Variants in TMX3 observed in about 807,000 individuals in gnomAD.
The protein encoded by TMX3 is thioredoxin related transmembrane protein 3.
TMX3 carries 40 observed loss-of-function variants against 64.4 expected under a neutral mutation model. The observed-to-expected ratio is 0.62, with a 90% confidence interval of 0.48 to 0.81. TMX3 has a LOEUF of 0.81. Among genes scored for constraint, TMX3 ranks in the 30% least tolerant of loss-of-function variants. The pLI, the probability that TMX3 is intolerant of heterozygous loss-of-function variation, is 0.00. For synonymous variants in TMX3, 189 were observed against 175.7 expected (o/e 1.08, Z -0.60); for missense variants, 497 against 534.5 (o/e 0.93, Z 0.69).
At chr18:68,685,205 C>T (rs377144007) in intron 10 of TMX3, among the ~76,000 whole-genome samples, 11 of 152,174 alleles carry the variant, frequency 7.2e-5, no homozygotes, top group African/African-American at 2.4e-4. Flanking sequence ...AACTTATTTC[C>T]AAAAACTAAT....
rs1008673633 is a variant in TMX3, at chr18:68,674,177, A to T, written c.*2756T>A. 6 of 152,162 alleles carry T rather than the reference A, an allele frequency of 3.9e-5. No homozygotes were observed. The highest frequency in any genetic ancestry group is 1.4e-4 in the African/African-American group (6 of 41,462). 9.4% of individuals were successfully genotyped at this position (152,162 alleles called of 1,614,324 possible). A position where few individuals can be genotyped will look rare whatever the true frequency, so the allele number is the denominator to read the frequency against. The stretch of plus-strand genomic sequence containing the variant: ...TACTTGGCATTTAAATGTTATTTCT[A>T]AATCAGATACCAGGAAGCAACTATG... On this transcript the variant is annotated 3_prime_UTR_variant, in exon 16 of 16. Transcript: ENST00000299608.
chr18:68,709,275 A>G (rs902848474), intron 4 of TMX3, among the ~76,000 whole-genome samples: 3 of 152,128 alleles, frequency 2.0e-5, no homozygotes, highest in African/African-American at 7.2e-5. Context: ...TCCAAATTCT[A>G]TGATACCTCA....
chr18:68,713,362 G>C (rs973071899), intron 2 of TMX3, among the ~76,000 whole-genome samples: 1 of 152,136 alleles, frequency 6.6e-6, no homozygotes, highest in Non-Finnish European at 1.5e-5. Context: ...CTCCCTCCAG[G>C]GACTGTAATG....
rs2031813815 is a variant in TMX3 at position 68,714,958 on chromosome 18, C to T, written c.24G>A (p.Thr8=). 2 of 1,573,214 alleles carry T rather than the reference C, an allele frequency of 1.3e-6. No individual in the cohort carries two copies. Among genetic ancestry groups the T allele is most frequent in the South Asian group, 1.2e-5 (1 of 85,538 alleles). ...TACCTGTGGCGCAGAGCCGCAGGGC[C>T]GTCCAACTCTTCCACGCTGCCATGC... The part of the protein sequence containing the change: MAAWKSW[T]ALRLCATVVV... The change falls in exon 1 of 16, where the codon ACG becomes ACA. Residue 8 remains threonine (T), a synonymous_variant. Coordinates refer to ENST00000299608, the MANE Select transcript of TMX3 (RefSeq NM_019022.5).
Position 68,682,919 on chromosome 18 carries a change from ACTTAC to A in TMX3, c.905+1_905+5del. On this transcript the variant is annotated splice_donor_variant and splice_donor_5th_base_variant and intron_variant, in intron 13 of 15. Coordinates refer to ENST00000299608, the MANE Select transcript of TMX3 (RefSeq NM_019022.5). LOFTEE classifies it high-confidence loss of function. The stretch of plus-strand genomic sequence containing the variant: ...TGACAGCAAAATCATTCAGCACTTT[ACTTAC>A]TCCATCAGCAAGGTATTTATGTAGT... 6.2e-7 allele frequency: 1 copy of A among 1,604,668 alleles called. No individual in the cohort carries two copies. The highest frequency in any genetic ancestry group is 8.5e-7 in the Non-Finnish European group (1 of 1,174,630).
intron 8 of TMX3, among the ~76,000 whole-genome samples, chr18:68,692,795 A>G (rs1033419796): frequency 6.6e-6 from 1 of 152,238 alleles, no homozygotes; most frequent in Non-Finnish European, 1.5e-5. Flanking sequence ...AAATAATAGA[A>G]GTAATACACA....
intron 1 of TMX3, 140 bp downstream of exon 1, chr18:68,714,796 G>C: frequency 8.5e-7 from 1 of 1,181,598 alleles, no homozygotes. Flanking sequence ...CGCGGCGGGG[G>C]CGGCAGGACG....
intron 4 of TMX3, among the ~76,000 whole-genome samples, chr18:68,704,464 CTT>C (rs1192117817): frequency 2.6e-5 from 4 of 151,696 alleles, no homozygotes; most frequent in Admixed American, 6.6e-5. Context: ...TTCGGTAACT[CTT>C]TTGAGAGCAA....
chr18:68,702,748 C>T (rs1433631000), intron 4 of TMX3, among the ~76,000 whole-genome samples: 1 of 152,104 alleles, frequency 6.6e-6, no homozygotes, highest in African/African-American at 2.4e-5. Flanking sequence ...CATCTGAATT[C>T]CAATTTAACA....
In TMX3 at chr18:68,675,628, TACTC is replaced by T. The variant is rs1253027245; in HGVS notation, c.*1301_*1304del. The T allele has an allele frequency of 6.6e-6, 1 of 152,178 alleles. No individual in the cohort carries two copies. The allele number at this position is 152,178 out of a possible 1,614,324, so 9.4% of individuals were successfully genotyped here. A position where few individuals can be genotyped will look rare whatever the true frequency, so the allele number is the denominator to read the frequency against. On this transcript the variant is annotated 3_prime_UTR_variant, in exon 16 of 16. Coordinates refer to ENST00000299608, the MANE Select transcript of TMX3 (RefSeq NM_019022.5). Reference sequence around the variant, plus strand: ...AATAAAATTCTTTATAGTGGAAAATTACTCAATGAATAACCACTCAAATCATAGT... The same window carrying T: ...AATAAAATTCTTTATAGTGGAAAATTAATGAATAACCACTCAAATCATAGT...
chr18:68,708,306 A>T (rs1190476747), intron 4 of TMX3, among the ~76,000 whole-genome samples: 1 of 152,130 alleles, frequency 6.6e-6, no homozygotes. Flanking sequence ...TCTCACCTAC[A>T]CTGTAGGTCC....
intron 12 of TMX3, among the ~76,000 whole-genome samples, chr18:68,683,221 T>C (rs1913617653): frequency 6.6e-6 from 1 of 152,078 alleles, no homozygotes; most frequent in African/African-American, 2.4e-5. Context: ...TCTAAGACAT[T>C]TCTACTTGGT....
intron 10 of TMX3, among the ~76,000 whole-genome samples, chr18:68,685,105 A>G (rs748520472): frequency 1.3e-5 from 2 of 152,212 alleles, no homozygotes; most frequent in African/African-American, 4.8e-5. Context: ...TTAGAATCAG[A>G]ACGCCAAACA....
At chr18:68,714,647 A>C (rs1479059620) in intron 1 of TMX3, among the ~76,000 whole-genome samples, 2 of 152,250 alleles carry the variant, frequency 1.3e-5, no homozygotes, top group Non-Finnish European at 2.9e-5. Context: ...TCAAAGGAGT[A>C]AGCTTTATTG....
chr18:68,704,310 C>A (rs2030437704), intron 4 of TMX3, among the ~76,000 whole-genome samples: 1 of 152,020 alleles, frequency 6.6e-6, no homozygotes, highest in East Asian at 1.9e-4. Context: ...AATTGCACCT[C>A]AAAACAAATT....
chr18:68,683,500 T>C (rs536077829), intron 12 of TMX3, among the ~76,000 whole-genome samples: 1 of 152,172 alleles, frequency 6.6e-6, no homozygotes, highest in Non-Finnish European at 1.5e-5. Context: ...TGCCATTTTT[T>C]ATTCAGTTAT....
intron 4 of TMX3, among the ~76,000 whole-genome samples, chr18:68,704,196 C>A (rs745788899): frequency 1.3e-5 from 2 of 152,154 alleles, no homozygotes; most frequent in Admixed American, 1.3e-4. Context: ...TTCCTTTCTA[C>A]TCTTGATCCT....
intron 9 of TMX3, among the ~76,000 whole-genome samples, chr18:68,690,394 C>T (rs1914401462): frequency 6.6e-6 from 1 of 152,122 alleles, no homozygotes; most frequent in African/African-American, 2.4e-5. Context: ...TCTGCATTCA[C>T]TTTTGCTTTT....
chr18:68,687,116 A>C, intron 10 of TMX3: 2 of 984,170 alleles, frequency 2.0e-6, no homozygotes, highest in Non-Finnish European at 1.2e-6. Flanking sequence ...ATTTGCTATA[A>C]ATTTATAAAA....
Sources: gnomAD v4.1 joint callset for allele counts (sites outside exome capture counted in the v4.1 genomes callset) on GRCh38, gnomAD v4.1.1 for gene constraint, MANE v1.5 for transcripts, NCBI Gene and HGNC (gene_info 2026-07-23, HGNC 2026-07-21) for gene names.